The following SH3GLB1 variants were observed in gnomAD, a reference collection of about 807,000 sequenced individuals.
SH3GLB1 encodes the protein endophilin-B1.
Under a neutral mutation model 42.0 loss-of-function variants are expected in SH3GLB1, and 17 were observed. That is an observed-to-expected ratio of 0.40 (90% CI 0.28 to 0.61). The LOEUF (loss-of-function observed/expected upper bound fraction) is 0.61. Ranked by LOEUF, SH3GLB1 falls within the 20% of genes least tolerant of loss-of-function variation. The pLI is 0.36. For missense variants in SH3GLB1, 355 were observed against 426.3 expected (o/e 0.83, Z 1.47); for synonymous variants, 132 against 146.6 (o/e 0.90, Z 0.72).
intron 5 of SH3GLB1, among the ~76,000 whole-genome samples, chr1:86,728,959 T>C (rs971074098): frequency 6.6e-6 from 1 of 152,172 alleles, no homozygotes; most frequent in Non-Finnish European, 1.5e-5. Flanking sequence ...TAGGTACTCC[T>C]GTAATGGCCA....
chr1:86,704,855 C>T lies in SH3GLB1; in HGVS notation c.-45C>T. 1.4e-6 allele frequency: 2 copies of T among 1,424,448 alleles called. No homozygotes were observed. The highest frequency in any genetic ancestry group is 1.9e-6 in the Non-Finnish European group (2 of 1,049,422). 88.2% of individuals were successfully genotyped at this position (1,424,448 alleles called of 1,614,324 possible). On this transcript the variant is annotated 5_prime_UTR_variant, in exon 1 of 9. Transcript: ENST00000370558. ...CCCAGCCCGGCCGCGGCACCTCCGC[C>T]TCGCCGCCGCTAGGTCGGCCGGCTC...
At chr1:86,718,095 A>G (rs1459689055) in intron 2 of SH3GLB1, among the ~76,000 whole-genome samples, 2 of 151,002 alleles carry the variant, frequency 1.3e-5, no homozygotes, top group African/African-American at 4.9e-5. Flanking sequence ...GCTGGAGTGC[A>G]GTGGCACAAT....
At chr1:86,724,151 G>C (rs1158897392) in intron 4 of SH3GLB1, among the ~76,000 whole-genome samples, 162 bp from the exon 5 acceptor site, 1 of 147,436 alleles carries the variant, frequency 6.8e-6, no homozygotes, top group South Asian at 2.4e-4. Flanking sequence ...AAGGGGGTGG[G>C]GGGGGGCAGA....
At chr1:86,727,424 T>A (rs1001409849) in intron 5 of SH3GLB1, among the ~76,000 whole-genome samples, 3 of 151,992 alleles carry the variant, frequency 2.0e-5, no homozygotes, top group Non-Finnish European at 2.9e-5. Context: ...AATTACAGGT[T>A]GAATATCCCA....
At chr1:86,724,701 C>T (rs556786305) in intron 5 of SH3GLB1, among the ~76,000 whole-genome samples, 2 of 151,092 alleles carry the variant, frequency 1.3e-5, no homozygotes, top group African/African-American at 2.4e-5. Context: ...GGCACAGCCC[C>T]GTCTCTCTAC....
chr1:86,728,543 A>AT, intron 5 of SH3GLB1: 1 of 1,031,742 alleles, frequency 9.7e-7, no homozygotes, highest in Non-Finnish European at 1.4e-6. Flanking sequence ...TTCTCTTGCT[A>AT]TTAGCCGCTT....
intron 5 of SH3GLB1, chr1:86,728,599 C>A: frequency 3.6e-6 from 2 of 549,200 alleles, no homozygotes; most frequent in East Asian, 3.2e-5. Context: ...TTATCTTTAA[C>A]AACAAAAATA....
At chr1:86,706,487 C>T (rs760106660) in intron 1 of SH3GLB1, among the ~76,000 whole-genome samples, 19 of 152,150 alleles carry the variant, frequency 1.2e-4, no homozygotes, top group Admixed American at 8.5e-4. Flanking sequence ...ATATTGTAGA[C>T]GTTGAGCCTT....
intron 4 of SH3GLB1, among the ~76,000 whole-genome samples, chr1:86,723,469 G>A (rs975574217): frequency 5.1e-4 from 78 of 152,054 alleles, no homozygotes; most frequent in African/African-American, 1.8e-3. Flanking sequence ...AGCCAAGATC[G>A]TGCCACTGCA....
chr1:86,707,498 C>T (rs1022069431), intron 1 of SH3GLB1, among the ~76,000 whole-genome samples: 3 of 152,122 alleles, frequency 2.0e-5, no homozygotes, highest in African/African-American at 7.2e-5. Flanking sequence ...TTAAGGATGA[C>T]TCCAAGGTTT....
At chr1:86,727,419 C>T (rs750561785) in intron 5 of SH3GLB1, among the ~76,000 whole-genome samples, 1 of 152,004 alleles carries the variant, frequency 6.6e-6, no homozygotes, top group South Asian at 2.1e-4. Context: ...AAAATAATTA[C>T]AGGTTGAATA....
intron 3 of SH3GLB1, among the ~76,000 whole-genome samples, chr1:86,721,462 T>C (rs1178048713): frequency 6.6e-6 from 1 of 152,138 alleles, no homozygotes; most frequent in Admixed American, 6.6e-5. Context: ...ACCTTCCTTA[T>C]CAGTCAGATC....
At chr1:86,726,520 G>A (rs1570273635) in intron 5 of SH3GLB1, among the ~76,000 whole-genome samples, 1 of 107,670 alleles carries the variant, frequency 9.3e-6, no homozygotes, top group Non-Finnish European at 1.9e-5. Flanking sequence ...TATGTTTAAA[G>A]TAAAAGATGA....
At chr1:86,731,106 G>A (rs939948988) in intron 5 of SH3GLB1, among the ~76,000 whole-genome samples, 4 of 152,146 alleles carry the variant, frequency 2.6e-5, no homozygotes, top group African/African-American at 4.8e-5. Context: ...CTAATCTTCT[G>A]TGGGCTGGGA....
chr1:86,707,120 T>C (rs1461491414), intron 1 of SH3GLB1, among the ~76,000 whole-genome samples: 1 of 152,178 alleles, frequency 6.6e-6, no homozygotes, highest in Admixed American at 6.5e-5. Context: ...CATCAGGTGG[T>C]GATAAAAATC....
At position 86,743,519 on chromosome 1, in the gene SH3GLB1, G is replaced by T; in HGVS notation, c.*284G>T. 1 of 204,848 alleles carries T rather than the reference G, an allele frequency of 4.9e-6. No individual in the cohort carries two copies. Among genetic ancestry groups the T allele is most frequent in the Non-Finnish European group, 9.7e-6 (1 of 102,834 alleles). The allele number at this position is 204,848 out of a possible 1,614,324, so 12.7% of individuals were successfully genotyped here. The stretch of plus-strand genomic sequence containing the variant: ...TTGAGCCTCAACTTAAAGCAGAACT[G>T]TTTTCTACTGGATTTTTCATTAACA... On this transcript the variant is annotated 3_prime_UTR_variant, in exon 9 of 9. Coordinates refer to ENST00000370558, the MANE Select transcript of SH3GLB1 (RefSeq NM_016009.5).
intron 5 of SH3GLB1, among the ~76,000 whole-genome samples, chr1:86,724,954 A>G (rs544539624): frequency 1.4e-5 from 2 of 144,150 alleles, no homozygotes; most frequent in Admixed American, 1.4e-4. Flanking sequence ...TATAAAATAT[A>G]TAATACATAT....
intron 8 of SH3GLB1, among the ~76,000 whole-genome samples, 160 bp from the exon 9 acceptor site, chr1:86,742,968 T>G (rs1371136479): frequency 2.0e-5 from 3 of 152,074 alleles, no homozygotes; most frequent in African/African-American, 7.2e-5. Flanking sequence ...CTCAAAAAAC[T>G]AATAATAATA....
chr1:86,715,989 G>GT lies in SH3GLB1; in HGVS notation c.214+131dup, dbSNP rs1041398507. ...TTTATTGTAGCTTCAAGGTCAGTGGGTTTTTTTGTGTGTGCTTTTGTGAAG... is the reference window on the plus strand; with the variant it reads ...TTTATTGTAGCTTCAAGGTCAGTGGGTTTTTTTTGTGTGTGCTTTTGTGAAG... On this transcript the variant is annotated intron_variant, in intron 2 of 8. Coordinates refer to ENST00000370558, the MANE Select transcript of SH3GLB1 (RefSeq NM_016009.5). 51 of 937,464 alleles carry GT rather than the reference G, an allele frequency of 5.4e-5. No homozygotes were observed. In the East Asian group the frequency reaches 1.3e-3, roughly 24 times the overall value. 58.1% of individuals were successfully genotyped at this position (937,464 alleles called of 1,614,324 possible).
Sources: gnomAD v4.1 joint callset for allele counts (sites outside exome capture counted in the v4.1 genomes callset) on GRCh38, gnomAD v4.1.1 for gene constraint, MANE v1.5 for transcripts, NCBI Gene and HGNC (gene_info 2026-07-23, HGNC 2026-07-21) for gene names.